Variants in DMD observed in about 807,000 individuals in gnomAD.
DMD encodes the protein mutant dystrophin.
Under a neutral mutation model 330.1 loss-of-function variants are expected in DMD, and 63 were observed. The observed-to-expected ratio is 0.19, with a 90% confidence interval of 0.16 to 0.24. The LOEUF is 0.24. Among genes scored for constraint, DMD ranks in the 10% least tolerant of loss-of-function variants. The pLI is 1.00. For missense variants in DMD, 3,344 were observed against 2,684.1 expected (o/e 1.25, Z -5.43); for synonymous variants, 1,223 against 959.8 (o/e 1.27, Z -5.07).
intron 7 of DMD, among the ~76,000 whole-genome samples, chrX:32,723,077 T>A (rs1164792148): frequency 9.0e-6 from 1 of 111,404 alleles, no homozygotes; most frequent in Non-Finnish European, 1.9e-5. Flanking sequence ...AGGCTTTTCA[T>A]AAATAGCCTT....
In DMD at chrX:32,809,513, T is replaced by C; in HGVS notation, c.629A>G (p.Glu210Gly). The C allele has an allele frequency of 2.5e-6, 3 of 1,210,885 alleles. No individual in the cohort carries two copies. Among genetic ancestry groups the C allele is most frequent in the Non-Finnish European group, 3.4e-6 (3 of 894,859 alleles). ...CCAACCTTCAGGATCGAGTAGTTTC[T>C]CTATGCCTAATTGATATCTGGCGAT... ...FNIARYQLGI[E>G]KLLDPEDVDT... is the part of the protein sequence containing the mutation. The change falls in exon 7 of 79, where the codon GAG becomes GGG. Residue 210 changes from glutamate (E) to glycine (G), a missense_variant. Coordinates refer to ENST00000357033, the MANE Select transcript of DMD (RefSeq NM_004006.3).
At chrX:33,014,793 C>T (rs1200147621) in intron 2 of DMD, among the ~76,000 whole-genome samples, 1 of 108,315 alleles carries the variant, frequency 9.2e-6, no homozygotes, top group Non-Finnish European at 1.9e-5. Flanking sequence ...AAATACATTA[C>T]ATAATGACAA....
chrX:31,221,567 T>C (rs1034925257), intron 64 of DMD, among the ~76,000 whole-genome samples: 3 of 113,047 alleles, frequency 2.7e-5, no homozygotes, highest in African/African-American at 9.6e-5. Flanking sequence ...GTTCACATAG[T>C]ACCCCATTGT....
At chrX:31,200,480 T>C (rs747150142) in intron 67 of DMD, among the ~76,000 whole-genome samples, 68 of 112,010 alleles carry the variant, frequency 6.1e-4, no homozygotes, top group Non-Finnish European at 1.1e-3. Flanking sequence ...CCTCAAAGAC[T>C]TGGTGAGGAT....
chrX:32,576,467 C>T (rs920466939), intron 13 of DMD, among the ~76,000 whole-genome samples: 1 of 110,222 alleles, frequency 9.1e-6, no homozygotes, highest in Non-Finnish European at 1.9e-5. Flanking sequence ...CACTGCGATA[C>T]CATGACAGTG....
At chrX:32,339,944 G>C (rs779059987) in intron 41 of DMD, among the ~76,000 whole-genome samples, 1 of 111,927 alleles carries the variant, frequency 8.9e-6, no homozygotes, top group African/African-American at 3.2e-5. Context: ...CCATTGTAAG[G>C]TTATATCAAA....
At chrX:32,815,943 C>A (rs1207858300) in intron 6 of DMD, among the ~76,000 whole-genome samples, 1 of 111,206 alleles carries the variant, frequency 9.0e-6, no homozygotes, top group African/African-American at 3.3e-5. Flanking sequence ...CATCTTATGA[C>A]CCTGAACTAG....
At chrX:31,253,401 A>G (rs1002323411) in intron 63 of DMD, among the ~76,000 whole-genome samples, 6 of 111,690 alleles carry the variant, frequency 5.4e-5, no homozygotes. Flanking sequence ...ATATGCTGAG[A>G]AAAGCATTAG....
At chrX:33,042,974 TTATGGAGCATC>T (rs1266607938) in intron 1 of DMD, among the ~76,000 whole-genome samples, 1 of 111,896 alleles carries the variant, frequency 8.9e-6, no homozygotes, top group African/African-American at 3.3e-5. Context: ...TATAATTATT[TTATGGAGCATC>T]TATGAATTTG....
intron 63 of DMD, among the ~76,000 whole-genome samples, chrX:31,244,575 A>AT (rs1219509583): frequency 8.9e-6 from 1 of 111,787 alleles, no homozygotes; most frequent in African/African-American, 3.3e-5. Context: ...ATTGGGAAAT[A>AT]TTTTTTTACA....
chrX:32,633,647 A>C (rs2058895343), intron 11 of DMD, among the ~76,000 whole-genome samples: 1 of 111,933 alleles, frequency 8.9e-6, no homozygotes, highest in Non-Finnish European at 1.9e-5. Flanking sequence ...AGACTGAGTA[A>C]TTTATAAAGA....
chrX:31,916,698 G>T (rs756599604), intron 47 of DMD, among the ~76,000 whole-genome samples: 1 of 111,635 alleles, frequency 9.0e-6, no homozygotes, highest in African/African-American at 3.3e-5. Flanking sequence ...TCCTGCCAAC[G>T]CCTCCCACTG....
At chrX:33,015,852 A>G (rs914359314) in intron 2 of DMD, among the ~76,000 whole-genome samples, 2 of 111,478 alleles carry the variant, frequency 1.8e-5, no homozygotes, top group Middle Eastern at 4.6e-3. Context: ...TAATGTGGAC[A>G]TATATGTTGC....
rs748744837 is a variant in DMD, at chrX:31,815,363, C to A, written c.7309+4612G>T. On this transcript the variant is annotated intron_variant, in intron 50 of 78. Transcript: ENST00000357033. The stretch of plus-strand genomic sequence containing the variant: ...TACTCAGGAGGCTGAGGCAGGAGAA[C>A]CGCTTCAACCCAGGAGGCAGAGGTT... 5.4e-5 allele frequency among the ~76,000 whole-genome samples: 6 copies of A among 110,202 alleles called. No individual in the cohort carries two copies. In the Admixed American group the frequency reaches 5.8e-4, roughly 11 times the overall value.
At chrX:32,972,318 C>G (rs2147140305) in intron 2 of DMD, among the ~76,000 whole-genome samples, 1 of 110,641 alleles carries the variant, frequency 9.0e-6, no homozygotes, top group East Asian at 2.9e-4. Context: ...GCTGGGAATA[C>G]AGGCATGCAC....
intron 18 of DMD, 24 bp from the exon 19 acceptor site, chrX:32,501,866 G>C (rs1435273233): frequency 9.1e-7 from 1 of 1,093,521 alleles, no homozygotes; most frequent in Middle Eastern, 2.5e-4. Context: ...GCAAAGATGA[G>C]TAATTCAATA....
chrX:32,189,122 A>C (rs1254133511), intron 44 of DMD, among the ~76,000 whole-genome samples: 1 of 110,489 alleles, frequency 9.1e-6, no homozygotes, highest in African/African-American at 3.3e-5. Context: ...CAGATTTTAA[A>C]ATTGAGTCTC....
chrX:32,787,810 G>T (rs937649839), intron 7 of DMD, among the ~76,000 whole-genome samples: 1 of 109,257 alleles, frequency 9.2e-6, no homozygotes, highest in Admixed American at 9.9e-5. Flanking sequence ...TTAATTTGGG[G>T]AGAGTCAGCA....
At chrX:31,250,415 G>T (rs2049231844) in intron 63 of DMD, among the ~76,000 whole-genome samples, 1 of 111,564 alleles carries the variant, frequency 9.0e-6, no homozygotes, top group Admixed American at 9.5e-5. Flanking sequence ...GCCTGAACTT[G>T]ACTCAACTGG....
Sources: gnomAD v4.1 joint callset for allele counts (sites outside exome capture counted in the v4.1 genomes callset) on GRCh38, gnomAD v4.1.1 for gene constraint, MANE v1.5 for transcripts, NCBI Gene and HGNC (gene_info 2026-07-23, HGNC 2026-07-21) for gene names.